CCNE2: variants seen among roughly 807,000 people sequenced by gnomAD.
CCNE2 encodes cyclin E2.
CCNE2 carries 18 observed loss-of-function variants against 56.8 expected under a neutral mutation model. The observed-to-expected ratio is 0.32, with a 90% CI of 0.22 to 0.47. CCNE2 has a LOEUF of 0.47. Ranked by LOEUF, CCNE2 falls within the 20% of genes least tolerant of loss-of-function variation. The probability of loss-of-function intolerance (pLI) is 1.00; values close to 1 mark genes in which losing one functional copy is unlikely to be tolerated. For synonymous variants in CCNE2, 139 were observed against 149.2 expected (o/e 0.93, Z 0.50); for missense variants, 371 against 467.1 (o/e 0.79, Z 1.90).
intron 8 of CCNE2, 82 bp from the exon 9 acceptor site, chr8:94,885,283 A>G: frequency 7.6e-7 from 1 of 1,319,966 alleles, no homozygotes; most frequent in Non-Finnish European, 1.1e-6. Context: ...GAGGTTAAGT[A>G]CATTCCCCAT....
At chr8:94,887,365 C>T (rs1031536494) in intron 7 of CCNE2, among the ~76,000 whole-genome samples, 91 of 152,094 alleles carry the variant, frequency 6.0e-4, no homozygotes, top group African/African-American at 2.1e-3. Context: ...ATCAGCTGGG[C>T]GTGGTGGCAA....
intron 4 of CCNE2, chr8:94,893,662 G>A (rs1389029286): frequency 1.1e-5 from 6 of 557,490 alleles, no homozygotes; most frequent in Non-Finnish European, 1.9e-5. Context: ...CCAAGAGGGA[G>A]GGATTTACAA....
At chr8:94,895,277 T>G (rs898806133), upstream of CCNE2, 109 of 983,594 alleles carry the variant, frequency 1.1e-4, no homozygotes, top group East Asian at 3.2e-3. Flanking sequence ...GACTGACACC[T>G]CCGGACAGCG....
intron 5 of CCNE2, chr8:94,892,132 T>C (rs1817270149): frequency 1.8e-6 from 1 of 565,458 alleles, no homozygotes; most frequent in Admixed American, 2.2e-5. Context: ...TAAATGCAAT[T>C]AAAAGTGAAA....
At chr8:94,889,833 CAA>C (rs1407443585) in intron 6 of CCNE2, among the ~76,000 whole-genome samples, 4 of 152,060 alleles carry the variant, frequency 2.6e-5, no homozygotes, top group South Asian at 2.1e-4. Context: ...TGGACCTAAA[CAA>C]GAGAGAAAAA....
chr8:94,890,973 T>C (rs900804377), intron 5 of CCNE2, among the ~76,000 whole-genome samples: 2 of 152,144 alleles, frequency 1.3e-5, no homozygotes, highest in African/African-American at 2.4e-5. Context: ...TTTCAGACAT[T>C]GAAATGCAAC....
rs1367634377 is a variant in CCNE2 at position 94,882,294 on chromosome 8, A to G, written c.944-5T>C. ...AAATACTGTCCCACTCCAAACCTAG[A>G]TAGATAGAAAAAAGTTAGAAAAGCA... On this transcript the variant is annotated splice_polypyrimidine_tract_variant and splice_region_variant and intron_variant, in intron 10 of 11. Coordinates refer to ENST00000308108, the MANE Select transcript of CCNE2 (RefSeq NM_057749.3). 3 of 1,583,402 alleles carry G rather than the reference A, an allele frequency of 1.9e-6. No homozygotes were observed. The highest frequency in any genetic ancestry group is 2.3e-5 in the East Asian group (1 of 44,352).
At position 94,880,863 on chromosome 8, in the gene CCNE2, A is replaced by G. The variant is rs565885074; in HGVS notation, c.*769T>C. The G allele has an allele frequency of 1.3e-5, 5 of 398,758 alleles. No individual in the cohort carries two copies. The highest frequency in any genetic ancestry group is 4.4e-5 in the Admixed American group (1 of 22,722). The allele number at this position is 398,758 out of a possible 1,614,324, so 24.7% of individuals were successfully genotyped here. ...TTAAGTTTTTCACCCAAATTGTGAT[A>G]TACAAAAAGGTTATTACCAAGCAAC... On this transcript the variant is annotated 3_prime_UTR_variant, in exon 12 of 12. Transcript: ENST00000308108.
Position 94,892,869 on chromosome 8 carries a change from T to G in CCNE2, c.266A>C (p.Asn89Thr). ...IGTSDFSRFTNYRFKNLFINP... is the reference protein window; with the variant it reads ...IGTSDFSRFTTYRFKNLFINP... ...AATAAAAAGATTTTTAAATCTGTAA[T>G]TTGTAAATCTGGAGAAATCACTTGT... The change falls in exon 5 of 12, where the codon AAT becomes ACT. Residue 89 changes from asparagine (N) to threonine (T), a missense_variant. By Grantham distance (65) the Asn-to-Thr change is moderately conservative. Transcript: ENST00000308108. The G allele has an allele frequency of 6.6e-7, 1 of 1,508,226 alleles. No individual in the cohort carries two copies. Among genetic ancestry groups the G allele is most frequent in the Non-Finnish European group, 8.9e-7 (1 of 1,121,756 alleles). 93.4% of individuals were successfully genotyped at this position (1,508,226 alleles called of 1,614,324 possible). A position where few individuals can be genotyped will look rare whatever the true frequency, so the allele number is the denominator to read the frequency against.
Position 94,880,423 on chromosome 8 carries a change from G to A in CCNE2, c.*1209C>T. ...TTCATACCGTAACAATAAATGTATA[G>A]TTTCTTCAAAGGGAGAAGAGATTCA... On this transcript the variant is annotated 3_prime_UTR_variant, in exon 12 of 12. Transcript: ENST00000308108. 2 of 373,104 alleles carry A rather than the reference G, an allele frequency of 5.4e-6. No homozygotes were observed. Among genetic ancestry groups the A allele is most frequent in the East Asian group, 8.6e-5 (2 of 23,246 alleles). 23.1% of individuals were successfully genotyped at this position (373,104 alleles called of 1,614,324 possible).
chr8:94,883,533 G>GT (rs1816913471), intron 9 of CCNE2, among the ~76,000 whole-genome samples: 1 of 152,118 alleles, frequency 6.6e-6, no homozygotes, highest in African/African-American at 2.4e-5. Context: ...TAAATAAGGA[G>GT]TACCTTCATT....
chr8:94,893,824 T>A, intron 4 of CCNE2, 67 bp downstream of exon 4: 1 of 1,446,982 alleles, frequency 6.9e-7, no homozygotes, highest in South Asian at 1.2e-5. Flanking sequence ...AATAAACACA[T>A]AATTCTATTC....
intron 6 of CCNE2, among the ~76,000 whole-genome samples, chr8:94,890,203 T>A (rs1817178150): frequency 6.6e-6 from 1 of 152,220 alleles, no homozygotes; most frequent in Non-Finnish European, 1.5e-5. Context: ...GAATTCTGAA[T>A]TGGGTTTAGT....
At chr8:94,886,722 C>T (rs1330680624) in intron 7 of CCNE2, among the ~76,000 whole-genome samples, 2 of 152,132 alleles carry the variant, frequency 1.3e-5, no homozygotes, top group Non-Finnish European at 2.9e-5. Context: ...AAGCACCCAA[C>T]AAATAAGGTC....
chr8:94,892,984 A>G lies in CCNE2; in HGVS notation c.166-15T>C. ...GGCCAACAATTCTGTCATAAAAAAA[A>G]AGAAAAATATCAATTTGTGCAAGGA... On this transcript the variant is annotated splice_polypyrimidine_tract_variant and intron_variant, in intron 4 of 11. Coordinates refer to ENST00000308108, the MANE Select transcript of CCNE2 (RefSeq NM_057749.3). 1.3e-6 allele frequency: 2 copies of G among 1,523,732 alleles called. No homozygotes were observed. The highest frequency in any genetic ancestry group is 8.7e-7 in the Non-Finnish European group (1 of 1,148,628). The allele number at this position is 1,523,732 out of a possible 1,614,324, so 94.4% of individuals were successfully genotyped here. A position where few individuals can be genotyped will look rare whatever the true frequency, so the allele number is the denominator to read the frequency against.
chr8:94,882,330 A>C (rs768535563), intron 10 of CCNE2, 41 bp from the exon 11 acceptor site: 1 of 1,480,684 alleles, frequency 6.8e-7, no homozygotes. Flanking sequence ...TGAAGGTTGT[A>C]CATCAGAAAC....
intron 1 of CCNE2, chr8:94,894,551 C>T (rs1011160405): frequency 5.9e-6 from 2 of 337,138 alleles, no homozygotes; most frequent in African/African-American, 4.2e-5. Flanking sequence ...GGGTCCTCCA[C>T]CCTCTCCCCC....
intron 11 of CCNE2, 111 bp downstream of exon 11, chr8:94,882,021 A>T (rs1248241874): frequency 9.1e-7 from 1 of 1,099,574 alleles, no homozygotes; most frequent in African/African-American, 1.6e-5. Context: ...TGTGCCCCTT[A>T]GAACTTTCTT....
At chr8:94,882,966 G>T (rs1816883463) in intron 9 of CCNE2, 74 bp from the exon 10 acceptor site, 1 of 1,029,610 alleles carries the variant, frequency 9.7e-7, no homozygotes, top group African/African-American at 1.6e-5. Flanking sequence ...AAAACCTTAG[G>T]GATCTAGAGA....
Sources: allele counts gnomAD v4.1 joint callset (sites outside exome capture counted in the v4.1 genomes callset), GRCh38; gene constraint gnomAD v4.1.1; transcripts MANE v1.5; gene names NCBI Gene and HGNC (gene_info 2026-07-23, HGNC 2026-07-21).